The following PLEKHB2 variants were observed in gnomAD, a reference collection of about 807,000 sequenced individuals.
PLEKHB2 encodes pleckstrin homology domain containing B2, also known as pleckstrin homology domain-containing family B member 2.
Under a neutral mutation model 36.5 loss-of-function variants are expected in PLEKHB2, and 31 were observed. The observed-to-expected ratio is 0.85, with a 90% CI of 0.64 to 1.15. The LOEUF (loss-of-function observed/expected upper bound fraction) is 1.15. Ranked by LOEUF, PLEKHB2 falls within the 50% of genes most tolerant of loss-of-function variation. PLEKHB2 has a pLI of 0.00. For missense variants in PLEKHB2, 262 were observed against 295.3 expected (o/e 0.89, Z 0.83); for synonymous variants, 119 against 112.0 (o/e 1.06, Z -0.39).
chr2:131,113,108 C>T (rs1020747700), intron 1 of PLEKHB2, among the ~76,000 whole-genome samples: 20 of 150,746 alleles, frequency 1.3e-4, no homozygotes, highest in Admixed American at 2.6e-4. Context: ...TTTTTGAGAC[C>T]GGGTCTCACT....
chr2:131,122,878 G>A (rs144342125), intron 2 of PLEKHB2, among the ~76,000 whole-genome samples: 1 of 152,126 alleles, frequency 6.6e-6, no homozygotes, highest in Non-Finnish European at 1.5e-5. Context: ...TGGGTTTTGC[G>A]GTCTCAACGT....
At chr2:131,133,530 G>T (rs1697931804) in intron 6 of PLEKHB2, among the ~76,000 whole-genome samples, 1 of 152,154 alleles carries the variant, frequency 6.6e-6, no homozygotes. Flanking sequence ...CTTTTTATGT[G>T]TTTTCCCCAT....
intron 2 of PLEKHB2, among the ~76,000 whole-genome samples, chr2:131,123,748 C>T (rs1696768057): frequency 7.4e-6 from 1 of 134,458 alleles, no homozygotes; most frequent in Non-Finnish European, 1.5e-5. Context: ...TGGTCTTGAA[C>T]TTCTGACCTC....
Position 131,147,257 on chromosome 2 carries a change from C to T in PLEKHB2, c.*484C>T, listed in dbSNP as rs906880720. ...GGGTTGGTAAGCTCCCAGGTACTTC[C>T]CGAGGCTATGGTGTGAGAGCCCCCG... On this transcript the variant is annotated 3_prime_UTR_variant, in exon 8 of 8. Transcript: ENST00000693505. The T allele has an allele frequency of 1.3e-5, 2 of 152,318 alleles. No homozygotes were observed. Among genetic ancestry groups the T allele is most frequent in the African/African-American group, 4.8e-5 (2 of 41,450 alleles). 9.4% of individuals were successfully genotyped at this position (152,318 alleles called of 1,614,324 possible). A position where few individuals can be genotyped will look rare whatever the true frequency, so the allele number is the denominator to read the frequency against.
chr2:131,121,560 T>C (rs1267816954), intron 2 of PLEKHB2, among the ~76,000 whole-genome samples: 5 of 152,140 alleles, frequency 3.3e-5, no homozygotes, highest in Non-Finnish European at 2.9e-5. Context: ...TGCTTTATTA[T>C]TAATGATGGA....
chr2:131,146,596 A>C, intron 7 of PLEKHB2, 41 bp from the exon 8 acceptor site: 1 of 1,577,824 alleles, frequency 6.3e-7, no homozygotes, highest in Non-Finnish European at 8.6e-7. Context: ...TAAACTTCAC[A>C]AACCGCTGCT....
chr2:131,142,571 T>G (rs952509391), intron 7 of PLEKHB2, among the ~76,000 whole-genome samples: 27 of 151,190 alleles, frequency 1.8e-4, no homozygotes, highest in African/African-American at 6.6e-4. Context: ...TGTTTCTTTT[T>G]TTTTCTTTTT....
At chr2:131,113,547 C>CTGAT (rs993727733) in intron 1 of PLEKHB2, among the ~76,000 whole-genome samples, 1 of 152,090 alleles carries the variant, frequency 6.6e-6, no homozygotes, top group African/African-American at 2.4e-5. Flanking sequence ...TACTGAAAAG[C>CTGAT]TGATTGGAAG....
At position 131,138,172 on chromosome 2, in the gene PLEKHB2, GTATT is replaced by G. The variant is rs1422454268; in HGVS notation, c.424-1990_424-1987del. On this transcript the variant is annotated intron_variant, in intron 6 of 7. Transcript: ENST00000693505. The stretch of plus-strand genomic sequence containing the variant: ...CATTGAACTATTTAAATTGGTTATT[GTATT>G]TATTAGTTCTGAAATTTTTATTTGG... Among the ~76,000 whole-genome samples the G allele has an allele frequency of 2.0e-5, 3 of 151,346 alleles. No individual in the cohort carries two copies. In the East Asian group the frequency reaches 5.8e-4, roughly 29 times the overall value.
At chr2:131,137,841 A>T (rs1002673110) in intron 6 of PLEKHB2, among the ~76,000 whole-genome samples, 1 of 151,498 alleles carries the variant, frequency 6.6e-6, no homozygotes. Context: ...TTTCTTTGGG[A>T]TTATCCTGTT....
At chr2:131,120,058 T>C (rs1696328023) in intron 1 of PLEKHB2, among the ~76,000 whole-genome samples, 1 of 151,164 alleles carries the variant, frequency 6.6e-6, no homozygotes, top group Non-Finnish European at 1.5e-5. Context: ...ATCCTCTGCC[T>C]CCTGGGTTCA....
intron 7 of PLEKHB2, among the ~76,000 whole-genome samples, chr2:131,141,360 C>G (rs1698759334): frequency 6.6e-6 from 1 of 152,076 alleles, no homozygotes; most frequent in Non-Finnish European, 1.5e-5. Context: ...AATAAGTAGT[C>G]CGGGCACGGT....
chr2:131,141,981 A>G (rs887750957), intron 7 of PLEKHB2, among the ~76,000 whole-genome samples: 7 of 152,220 alleles, frequency 4.6e-5, no homozygotes, highest in Non-Finnish European at 1.0e-4. Flanking sequence ...TTCATGGCCC[A>G]TGGGTGGCTG....
At chr2:131,116,269 A>G (rs1695862938) in intron 1 of PLEKHB2, among the ~76,000 whole-genome samples, 1 of 152,086 alleles carries the variant, frequency 6.6e-6, no homozygotes, top group Admixed American at 6.6e-5. Flanking sequence ...TCTGCTGTTC[A>G]GTTTCTCCTT....
chr2:131,114,015 G>A (rs1036750066), intron 1 of PLEKHB2, among the ~76,000 whole-genome samples: 4 of 152,214 alleles, frequency 2.6e-5, no homozygotes, highest in African/African-American at 7.2e-5. Flanking sequence ...AGTAGAGGTG[G>A]CCATATTTTA....
At chr2:131,116,611 A>AT (rs1046644617) in intron 1 of PLEKHB2, among the ~76,000 whole-genome samples, 48 of 152,258 alleles carry the variant, frequency 3.2e-4, no homozygotes, top group African/African-American at 1.1e-3. Context: ...ACTCTATCAC[A>AT]AGACCAGCAA....
intron 2 of PLEKHB2, among the ~76,000 whole-genome samples, chr2:131,122,878 G>C (rs144342125): frequency 6.6e-6 from 1 of 152,244 alleles, no homozygotes; most frequent in Non-Finnish European, 1.5e-5. Context: ...TGGGTTTTGC[G>C]GTCTCAACGT....
At position 131,115,632 on chromosome 2, in the gene PLEKHB2, C is replaced by T. The variant is rs375918069; in HGVS notation, c.-8-5302C>T. 1.5e-4 allele frequency among the ~76,000 whole-genome samples: 23 copies of T among 152,158 alleles called. No homozygotes were observed. The East Asian group carries it at 2.7e-3, about 18-fold the overall frequency. On this transcript the variant is annotated intron_variant, in intron 1 of 7. Coordinates refer to ENST00000693505, the MANE Select transcript of PLEKHB2 (RefSeq NM_001100623.2). The stretch of plus-strand genomic sequence containing the variant: ...TCTCCCAAAATGCCGGGATTACAGG[C>T]GTGAGCTACTGCGCCCTCCAGAAGG...
intron 6 of PLEKHB2, among the ~76,000 whole-genome samples, chr2:131,134,150 C>T (rs1057195304): frequency 6.6e-6 from 1 of 152,064 alleles, no homozygotes; most frequent in Non-Finnish European, 1.5e-5. Context: ...CCGCCCACCT[C>T]GGCCTCCCAA....
Sources: allele counts gnomAD v4.1 joint callset (sites outside exome capture counted in the v4.1 genomes callset), GRCh38; gene constraint gnomAD v4.1.1; transcripts MANE v1.5; gene names NCBI Gene and HGNC (gene_info 2026-07-23, HGNC 2026-07-21).